ARHGAP24: variants seen among roughly 807,000 people sequenced by gnomAD.
The protein encoded by ARHGAP24 is Rho GTPase activating protein 24.
ARHGAP24 carries 50 observed loss-of-function variants against 76.4 expected under a neutral mutation model. The observed-to-expected ratio is 0.65, with a 90% CI of 0.52 to 0.83. The LOEUF is 0.83. Ranked by LOEUF, ARHGAP24 falls within the 40% of genes least tolerant of loss-of-function variation. The pLI is 0.00. For synonymous variants in ARHGAP24, 345 were observed against 323.3 expected, an observed-to-expected ratio of 1.07 and a Z score of -0.72; for missense variants, 930 against 914.2, an observed-to-expected ratio of 1.02 and a Z score of -0.22.
chr4:85,894,034 G>C, intron 3 of ARHGAP24, among the ~76,000 whole-genome samples: 1 of 142,614 alleles, frequency 7.0e-6, no homozygotes, highest in East Asian at 2.1e-4. Flanking sequence ...CACCAGCATG[G>C]CACATGTATA....
At chr4:85,958,766 A>T (rs1738068047) in intron 5 of ARHGAP24, among the ~76,000 whole-genome samples, 1 of 152,166 alleles carries the variant, frequency 6.6e-6, no homozygotes, top group South Asian at 2.1e-4. Flanking sequence ...CCATAAATCA[A>T]TTTGAGAACA....
At chr4:85,612,519 T>C (rs553384311) in intron 2 of ARHGAP24, among the ~76,000 whole-genome samples, 33 of 146,336 alleles carry the variant, frequency 2.3e-4, no homozygotes, top group African/African-American at 7.5e-4. Context: ...TATTATCTTA[T>C]TCTTCACCCA....
intron 2 of ARHGAP24, among the ~76,000 whole-genome samples, chr4:85,699,388 G>A (rs943475581): frequency 1.2e-4 from 19 of 152,184 alleles, no homozygotes; most frequent in African/African-American, 3.4e-4. Context: ...GAGCCCAGGC[G>A]TTTGAGACCA....
chr4:85,984,544 A>G (rs925639826), intron 8 of ARHGAP24, among the ~76,000 whole-genome samples: 2 of 152,146 alleles, frequency 1.3e-5, no homozygotes, highest in African/African-American at 4.8e-5. Context: ...TCCTAATACC[A>G]TCACACTGGG....
At chr4:85,784,301 C>T (rs1727704463) in intron 3 of ARHGAP24, among the ~76,000 whole-genome samples, 2 of 150,038 alleles carry the variant, frequency 1.3e-5, no homozygotes, top group Non-Finnish European at 1.5e-5. Flanking sequence ...CTCTCCTAGG[C>T]TTTTTTTTTT....
intron 3 of ARHGAP24, among the ~76,000 whole-genome samples, chr4:85,732,408 G>A (rs1267790829): frequency 2.6e-5 from 4 of 152,216 alleles, no homozygotes; most frequent in African/African-American, 9.6e-5. Flanking sequence ...GTAGCCAGGA[G>A]AGCACTGGCA....
At chr4:85,913,930 T>A (rs1273568596) in intron 3 of ARHGAP24, among the ~76,000 whole-genome samples, 1 of 152,216 alleles carries the variant, frequency 6.6e-6, no homozygotes, top group Non-Finnish European at 1.5e-5. Flanking sequence ...GAATTCAATG[T>A]CCTATTTAAC....
intron 8 of ARHGAP24, among the ~76,000 whole-genome samples, chr4:85,981,655 GTCTT>G (rs1418622245): frequency 6.6e-6 from 1 of 151,932 alleles, no homozygotes; most frequent in African/African-American, 2.4e-5. Flanking sequence ...ATTTTCATTG[GTCTT>G]TCTTCCTGTT....
chr4:85,736,611 A>G (rs1005710669), intron 3 of ARHGAP24, among the ~76,000 whole-genome samples: 12 of 152,202 alleles, frequency 7.9e-5, no homozygotes, highest in African/African-American at 1.2e-4. Flanking sequence ...ATAAACATCA[A>G]GTAGAGGTGG....
At chr4:85,682,109 A>T (rs1351542928) in intron 2 of ARHGAP24, among the ~76,000 whole-genome samples, 1 of 152,164 alleles carries the variant, frequency 6.6e-6, no homozygotes, top group African/African-American at 2.4e-5. Context: ...ATTCTCCGCT[A>T]AAGGAGGATC....
intron 3 of ARHGAP24, among the ~76,000 whole-genome samples, chr4:85,837,201 C>A (rs77486832): frequency 0.021 from 3,167 of 152,284 alleles, 105 homozygotes; most frequent in African/African-American, 0.065. Flanking sequence ...AGCTCAAATT[C>A]TTTTTTCCTA....
chr4:85,643,307 G>A lies in ARHGAP24; in HGVS notation c.180+72586G>A, dbSNP rs1265758473. On this transcript the variant is annotated intron_variant, in intron 2 of 9. Transcript: ENST00000395184. ...CGCTCTGTCGCCCAGGCTGGACTGC[G>A]GACTGCAGTGGCGCAATCTCGGCTC... 4.2e-5 allele frequency among the ~76,000 whole-genome samples: 3 copies of A among 70,860 alleles called. 1 individual carries two copies. Among genetic ancestry groups the A allele is most frequent in the Non-Finnish European group, 8.8e-5 (3 of 34,046 alleles). The allele number at this position is 70,860 out of a possible 152,430, so 46.5% of individuals were successfully genotyped here.
intron 3 of ARHGAP24, among the ~76,000 whole-genome samples, chr4:85,750,230 A>G (rs947450972): frequency 1.3e-5 from 2 of 152,278 alleles, no homozygotes; most frequent in African/African-American, 4.8e-5. Context: ...AGTAAAATAA[A>G]TCAGGGAGTT....
intron 2 of ARHGAP24, among the ~76,000 whole-genome samples, chr4:85,617,329 G>A (rs1720573820): frequency 6.6e-6 from 1 of 150,942 alleles, no homozygotes; most frequent in African/African-American, 2.4e-5. Flanking sequence ...ATTGAAATAT[G>A]TCCTTCCTAC....
intron 3 of ARHGAP24, among the ~76,000 whole-genome samples, chr4:85,829,219 T>G (rs371719294): frequency 3.9e-5 from 6 of 152,232 alleles, no homozygotes; most frequent in Non-Finnish European, 1.5e-5. Context: ...TTAAATTTTT[T>G]ATTTAAAATT....
At chr4:85,609,585 G>A (rs1030084665) in intron 2 of ARHGAP24, among the ~76,000 whole-genome samples, 9 of 152,002 alleles carry the variant, frequency 5.9e-5, no homozygotes, top group Non-Finnish European at 1.0e-4. Flanking sequence ...TAACACAAGG[G>A]CTTCTTTGTT....
intron 3 of ARHGAP24, among the ~76,000 whole-genome samples, chr4:85,861,797 C>G (rs570522878): frequency 1.3e-5 from 2 of 152,152 alleles, no homozygotes; most frequent in South Asian, 2.1e-4. Context: ...GAAAGATCCC[C>G]GCATGAGCCT....
intron 4 of ARHGAP24, among the ~76,000 whole-genome samples, chr4:85,940,421 G>A (rs1216874039): frequency 6.6e-6 from 1 of 151,976 alleles, no homozygotes; most frequent in Non-Finnish European, 1.5e-5. Context: ...AATTACAGAT[G>A]TCTTCCCTTT....
chr4:85,806,677 A>T lies in ARHGAP24; in HGVS notation c.268+84705A>T, dbSNP rs149397802. Among the ~76,000 whole-genome samples, 1,102 of 152,284 alleles carry T rather than the reference A, an allele frequency of 7.2e-3. 9 individuals are homozygous for T. Among genetic ancestry groups the T allele is most frequent in the African/African-American group, 0.025 (1,054 of 41,552 alleles). On this transcript the variant is annotated intron_variant, in intron 3 of 9. Coordinates refer to ENST00000395184, the MANE Select transcript of ARHGAP24 (RefSeq NM_001025616.3). The stretch of plus-strand genomic sequence containing the variant: ...CAAAAATGGGAGTTAAGAAATAAAG[A>T]TGTTCACCAGCTCAATTGTTGAATA...
Sources: allele counts gnomAD v4.1 joint callset (sites outside exome capture counted in the v4.1 genomes callset), GRCh38; gene constraint gnomAD v4.1.1; transcripts MANE v1.5; gene names NCBI Gene and HGNC (gene_info 2026-07-23, HGNC 2026-07-21).